Variants in DAB1 observed in about 807,000 individuals in gnomAD.
The protein encoded by DAB1 is disabled homolog 1.
A neutral mutation model predicts 64.6 loss-of-function variants in DAB1; 15 were observed. The observed-to-expected ratio is 0.23, with a 90% CI of 0.16 to 0.36. DAB1 has a LOEUF of 0.36. DAB1 is among the 10% of genes least tolerant of loss of function. The pLI, the probability that DAB1 is intolerant of heterozygous loss-of-function variation, is 1.00. For synonymous variants in DAB1, 235 were observed against 251.9 expected (o/e 0.93, Z 0.64); for missense variants, 596 against 706.7 (o/e 0.84, Z 1.78).
intron 7 of DAB1, among the ~76,000 whole-genome samples, chr1:57,539,759 C>T (rs1644778722): frequency 6.6e-6 from 1 of 152,202 alleles, no homozygotes; most frequent in Non-Finnish European, 1.5e-5. Flanking sequence ...CAAAGATCAT[C>T]TCCAACTTGT....
At chr1:58,277,037 C>CTTTTTTTTT (rs869207396) in intron 4 of DAB1, among the ~76,000 whole-genome samples, 10 of 79,644 alleles carry the variant, frequency 1.3e-4, no homozygotes, top group East Asian at 3.9e-4. Context: ...CTTTTTTTTT[C>CTTTTTTTTT]TTTTTTTTTT....
intron 7 of DAB1, among the ~76,000 whole-genome samples, chr1:57,647,119 A>G (rs967928400): frequency 6.6e-6 from 1 of 152,190 alleles, no homozygotes; most frequent in African/African-American, 2.4e-5. Flanking sequence ...GTACTGCTCC[A>G]TATTCTACAT....
In DAB1 at chr1:58,485,228, T is replaced by TAA. The variant is rs71043289; in HGVS notation, n.257+20830_257+20831dup. Among the ~76,000 whole-genome samples the TAA allele has an allele frequency of 3.8e-3, 158 of 42,028 alleles. 2 individuals carry two copies. Among genetic ancestry groups the TAA allele is most frequent in the South Asian group, 0.011 (8 of 760 alleles). The allele number at this position is 42,028 out of a possible 152,430, so 27.6% of individuals were successfully genotyped here. A position where few individuals can be genotyped will look rare whatever the true frequency, so the allele number is the denominator to read the frequency against. ...GTCTAAAAATAAAAGAGTCTACTAC[T>TAA]AAAAAAAAAAAAAAAAAAAAAAAAA... On this transcript the variant is annotated intron_variant and non_coding_transcript_variant, in intron 3 of 20. Coordinates refer to the DAB1 transcript ENST00000485760.
At chr1:57,224,363 GACTGTAGCCC>G (rs1667104782) in intron 2 of DAB1, among the ~76,000 whole-genome samples, 1 of 152,128 alleles carries the variant, frequency 6.6e-6, no homozygotes, top group African/African-American at 2.4e-5. Flanking sequence ...GGCCATCCTT[GACTGTAGCCC>G]ACCAGATACA....
intron 4 of DAB1, among the ~76,000 whole-genome samples, chr1:58,258,596 ACT>A (rs1018474992): frequency 6.6e-6 from 1 of 151,958 alleles, no homozygotes; most frequent in African/African-American, 2.4e-5. Context: ...TGGCTTGAGA[ACT>A]CTCTGCAAAA....
intron 1 of DAB1, among the ~76,000 whole-genome samples, chr1:57,325,152 A>G (rs1379400416): frequency 6.6e-6 from 1 of 152,180 alleles, no homozygotes; most frequent in African/African-American, 2.4e-5. Context: ...CTTCACTTCC[A>G]AGTTCCTTTC....
At chr1:57,860,051 A>G (rs1653939756) in intron 1 of DAB1, among the ~76,000 whole-genome samples, 1 of 152,320 alleles carries the variant, frequency 6.6e-6, no homozygotes, top group South Asian at 2.1e-4. Flanking sequence ...GGTATAGATG[A>G]GGAAAATAAA....
chr1:57,983,704 A>G (rs1452871437), intron 5 of DAB1, among the ~76,000 whole-genome samples: 1 of 152,232 alleles, frequency 6.6e-6, no homozygotes, highest in African/African-American at 2.4e-5. Flanking sequence ...AGGCTGTCTC[A>G]CACAGGGACT....
At chr1:58,180,621 A>T (rs1656742349) in intron 4 of DAB1, among the ~76,000 whole-genome samples, 1 of 152,004 alleles carries the variant, frequency 6.6e-6, no homozygotes, top group African/African-American at 2.4e-5. Context: ...AGGCATTAAA[A>T]GTTATAATTT....
At chr1:57,836,595 G>T (rs1026084561) in intron 1 of DAB1, among the ~76,000 whole-genome samples, 2 of 152,140 alleles carry the variant, frequency 1.3e-5, no homozygotes, top group African/African-American at 4.8e-5. Context: ...GAACCTTTTT[G>T]CAGTGAAATA....
chr1:57,238,739 A>C (rs975637618), intron 2 of DAB1, among the ~76,000 whole-genome samples: 23 of 152,096 alleles, frequency 1.5e-4, no homozygotes, highest in Admixed American at 6.6e-5. Flanking sequence ...ACAACAATCC[A>C]TGTACAATGA....
chr1:57,496,876 CACA>C (rs1644236781), intron 7 of DAB1, among the ~76,000 whole-genome samples: 1 of 152,182 alleles, frequency 6.6e-6, no homozygotes, highest in South Asian at 2.1e-4. Flanking sequence ...GTATTTCTTA[CACA>C]ACAAGGGGTC....
chr1:57,236,654 T>G (rs1668109086), intron 2 of DAB1, among the ~76,000 whole-genome samples: 1 of 152,212 alleles, frequency 6.6e-6, no homozygotes, highest in South Asian at 2.1e-4. Flanking sequence ...TATCTTTTCT[T>G]CTCATGGGCA....
Position 57,114,328 on chromosome 1 carries a change from C to T in DAB1, c.306+22215G>A, listed in dbSNP as rs571208325. Among the ~76,000 whole-genome samples, 106 of 152,232 alleles carry T rather than the reference C, an allele frequency of 7.0e-4. 1 individual carries two copies. The highest frequency in any genetic ancestry group is 2.5e-3 in the African/African-American group (104 of 41,540). The stretch of plus-strand genomic sequence containing the variant: ...GAAGATGATGCTATTTTCTTCTTTG[C>T]TGTATCTTCAAGTTCAGTTACTATA... On this transcript the variant is annotated intron_variant, in intron 4 of 14. Transcript: ENST00000371236.
chr1:57,395,965 G>A (rs944929311), intron 1 of DAB1, among the ~76,000 whole-genome samples: 7 of 152,192 alleles, frequency 4.6e-5, no homozygotes, highest in Admixed American at 3.9e-4. Context: ...AGAAGTAAAA[G>A]CAAATGTGGG....
intron 5 of DAB1, among the ~76,000 whole-genome samples, chr1:58,129,230 C>G (rs2100690736): frequency 6.6e-6 from 1 of 151,726 alleles, no homozygotes; most frequent in Non-Finnish European, 1.5e-5. Flanking sequence ...TCTAGATTTT[C>G]TAGTTTATTT....
intron 5 of DAB1, among the ~76,000 whole-genome samples, chr1:58,026,926 T>A (rs1202940309): frequency 1.3e-5 from 2 of 152,204 alleles, no homozygotes; most frequent in Non-Finnish European, 2.9e-5. Flanking sequence ...ACCTGACAGC[T>A]ATTGCACATG....
At position 57,562,701 on chromosome 1, in the gene DAB1, T is replaced by G. The variant is rs1570629427; in HGVS notation, n.625+86891A>C. Among the ~76,000 whole-genome samples, 5 of 152,168 alleles carry G rather than the reference T, an allele frequency of 3.3e-5. 1 individual carries two copies. The highest frequency in any genetic ancestry group is 3.3e-4 in the Admixed American group (5 of 15,284). On this transcript the variant is annotated intron_variant and non_coding_transcript_variant, in intron 7 of 20. Coordinates refer to the DAB1 transcript ENST00000485760. ...ACCCCTAGTGATCCACTAGCAAAATTTTTGCTTCCTGTTCCCATGACATTA... is the reference window on the plus strand; with the variant it reads ...ACCCCTAGTGATCCACTAGCAAAATGTTTGCTTCCTGTTCCCATGACATTA...
At chr1:57,197,500 C>T (rs1421934374) in intron 2 of DAB1, among the ~76,000 whole-genome samples, 1 of 152,170 alleles carries the variant, frequency 6.6e-6, no homozygotes, top group Non-Finnish European at 1.5e-5. Flanking sequence ...TAAAAACTGA[C>T]ATTAAAGCCA....
Sources: gnomAD v4.1 joint callset for allele counts (sites outside exome capture counted in the v4.1 genomes callset) on GRCh38, gnomAD v4.1.1 for gene constraint, MANE v1.5 for transcripts, NCBI Gene and HGNC (gene_info 2026-07-23, HGNC 2026-07-21) for gene names.